The following DGKI variants were observed in gnomAD, a reference collection of about 807,000 sequenced individuals.
DGKI encodes the protein diacylglycerol kinase iota, also known as DAG kinase iota.
Under a neutral mutation model 147.5 loss-of-function variants are expected in DGKI, and 55 were observed. That is an observed-to-expected ratio of 0.37 (90% confidence interval 0.30 to 0.47). The LOEUF (loss-of-function observed/expected upper bound fraction) is 0.47. Among genes scored for constraint, DGKI ranks in the 20% least tolerant of loss-of-function variants. The pLI, the probability that DGKI is intolerant of heterozygous loss-of-function variation, is 1.00. For synonymous variants in DGKI, 469 were observed against 477.1 expected (o/e 0.98, Z 0.22); for missense variants, 1,007 against 1,323.8 (o/e 0.76, Z 3.71).
chr7:137,701,717 G>A (rs543667483), intron 1 of DGKI, among the ~76,000 whole-genome samples: 1 of 152,158 alleles, frequency 6.6e-6, no homozygotes, highest in South Asian at 2.1e-4. Flanking sequence ...TACCATATTT[G>A]TGTATTGAAA....
Position 137,555,117 on chromosome 7 carries a change from T to C in DGKI, c.1948-2549A>G, listed in dbSNP as rs374618808. Among the ~76,000 whole-genome samples, 5 of 151,848 alleles carry C rather than the reference T, an allele frequency of 3.3e-5. No homozygotes were observed. In the South Asian group the frequency reaches 8.3e-4, roughly 25 times the overall value. ...ATTTTAGTAGGGACAGGTTTCACCG[T>C]GTTGGCCAGGATGGTCTCAATCTTC... is the stretch of plus-strand genomic sequence containing the variant. On this transcript the variant is annotated intron_variant, in intron 19 of 32. Transcript: ENST00000614521.
chr7:137,838,206 T>C (rs948044237), intron 1 of DGKI, among the ~76,000 whole-genome samples: 1 of 152,006 alleles, frequency 6.6e-6, no homozygotes, highest in African/African-American at 2.4e-5. Context: ...GGTTTTACCA[T>C]GTTGGCCAGG....
intron 22 of DGKI, among the ~76,000 whole-genome samples, chr7:137,486,885 A>G (rs913985029): frequency 6.6e-6 from 1 of 152,178 alleles, no homozygotes; most frequent in Non-Finnish European, 1.5e-5. Context: ...ACACCCAAGA[A>G]AAGTGACTCT....
chr7:137,641,749 G>A (rs1332143284), intron 6 of DGKI, among the ~76,000 whole-genome samples: 1 of 152,146 alleles, frequency 6.6e-6, no homozygotes, highest in Non-Finnish European at 1.5e-5. Context: ...AAGAATTGAT[G>A]TTGGAAATTT....
Position 137,641,483 on chromosome 7 carries a change from T to C in DGKI, c.804+3989A>G, listed in dbSNP as rs377398331. Among the ~76,000 whole-genome samples, 4 of 152,228 alleles carry C rather than the reference T, an allele frequency of 2.6e-5. No individual in the cohort carries two copies. The East Asian group carries it at 7.7e-4, about 29-fold the overall frequency. Reference sequence around the variant, plus strand: ...AAATTTCACACCTGACCTCATGTGATAGCTCGTAGTAAAAACGTTGTTTCA... The same window carrying C: ...AAATTTCACACCTGACCTCATGTGACAGCTCGTAGTAAAAACGTTGTTTCA... On this transcript the variant is annotated intron_variant, in intron 6 of 32. Coordinates refer to ENST00000614521, the MANE Select transcript of DGKI (RefSeq NM_001321708.2).
intron 29 of DGKI, among the ~76,000 whole-genome samples, chr7:137,408,669 A>G (rs1340943639): frequency 2.0e-5 from 3 of 152,208 alleles, no homozygotes. Flanking sequence ...TGAGACCCAA[A>G]ATGATTCAGA....
chr7:137,825,373 C>T (rs180827151), intron 1 of DGKI, among the ~76,000 whole-genome samples: 10 of 152,138 alleles, frequency 6.6e-5, no homozygotes, highest in Middle Eastern at 3.4e-3. Flanking sequence ...CCATGGCAGA[C>T]GGCATACATG....
intron 28 of DGKI, among the ~76,000 whole-genome samples, chr7:137,427,094 T>C (rs1157674221): frequency 2.0e-5 from 3 of 151,766 alleles, no homozygotes; most frequent in African/African-American, 7.3e-5. Flanking sequence ...CAACAGAATA[T>C]ACATTTTTTT....
intron 20 of DGKI, among the ~76,000 whole-genome samples, chr7:137,536,895 T>TA (rs1817538526): frequency 6.6e-6 from 1 of 151,850 alleles, no homozygotes; most frequent in Admixed American, 6.6e-5. Context: ...GAAATTCATT[T>TA]AAAAAATTCA....
chr7:137,430,580 A>T (rs969509953), intron 28 of DGKI, among the ~76,000 whole-genome samples: 4 of 152,124 alleles, frequency 2.6e-5, no homozygotes, highest in South Asian at 4.1e-4. Flanking sequence ...AATAATTTTA[A>T]AAAAAGAAAA....
Position 137,397,366 on chromosome 7 carries a change from G to A in DGKI, c.2957+11C>T, listed in dbSNP as rs755466926. The A allele has an allele frequency of 6.2e-7, 1 of 1,612,362 alleles. No individual in the cohort carries two copies. Among genetic ancestry groups the A allele is most frequent in the Non-Finnish European group, 8.5e-7 (1 of 1,179,100 alleles). On this transcript the variant is annotated intron_variant, in intron 31 of 32. Coordinates refer to ENST00000614521, the MANE Select transcript of DGKI (RefSeq NM_001321708.2). ...AATAACCTAGACTATGTAATAAAAGGCAACACTCACGTTTCACTGTCTGCC... is the reference window on the plus strand; with the variant it reads ...AATAACCTAGACTATGTAATAAAAGACAACACTCACGTTTCACTGTCTGCC...
At chr7:137,460,350 G>C (rs1563031903) in intron 27 of DGKI, among the ~76,000 whole-genome samples, 1 of 152,236 alleles carries the variant, frequency 6.6e-6, no homozygotes, top group South Asian at 2.1e-4. Flanking sequence ...TATCGAAATA[G>C]AGAAACAATT....
intron 4 of DGKI, among the ~76,000 whole-genome samples, chr7:137,655,066 CTG>C (rs1364633939): frequency 3.3e-5 from 5 of 152,230 alleles, no homozygotes; most frequent in Non-Finnish European, 5.9e-5. Flanking sequence ...ATTTGAGAAA[CTG>C]AGATAAGAAA....
chr7:137,471,247 TA>T (rs1446339346), intron 23 of DGKI, among the ~76,000 whole-genome samples: 1 of 151,938 alleles, frequency 6.6e-6, no homozygotes, highest in Non-Finnish European at 1.5e-5. Context: ...GTCTGGCCCT[TA>T]ATAGGGATTT....
At chr7:137,575,142 G>A (rs1818926799) in intron 17 of DGKI, among the ~76,000 whole-genome samples, 1 of 152,178 alleles carries the variant, frequency 6.6e-6, no homozygotes, top group African/African-American at 2.4e-5. Flanking sequence ...CCTCTGAAAG[G>A]TTAAATGATT....
At chr7:137,816,290 C>G (rs1313842198) in intron 1 of DGKI, among the ~76,000 whole-genome samples, 1 of 152,172 alleles carries the variant, frequency 6.6e-6, no homozygotes, top group Non-Finnish European at 1.5e-5. Flanking sequence ...AACACTGCCC[C>G]TTGCTAGATG....
intron 1 of DGKI, among the ~76,000 whole-genome samples, chr7:137,737,204 CAAAAAA>C (rs763572711): frequency 1.5e-3 from 128 of 83,506 alleles, no homozygotes; most frequent in African/African-American, 4.7e-3. Context: ...CTCATTTCAC[CAAAAAA>C]AAAAAAAAAA....
intron 11 of DGKI, 121 bp from the exon 12 acceptor site, chr7:137,598,028 G>C: frequency 1.2e-6 from 1 of 801,046 alleles, no homozygotes; most frequent in Non-Finnish European, 2.1e-6. Flanking sequence ...GTGTAATCAT[G>C]AGGATGACAA....
At chr7:137,523,267 G>T (rs1315458299) in intron 20 of DGKI, among the ~76,000 whole-genome samples, 1 of 151,906 alleles carries the variant, frequency 6.6e-6, no homozygotes, top group Non-Finnish European at 1.5e-5. Context: ...AACTCTGGAA[G>T]AGGGAGTAAA....
Sources: gnomAD v4.1 joint callset for allele counts (sites outside exome capture counted in the v4.1 genomes callset) on GRCh38, gnomAD v4.1.1 for gene constraint, MANE v1.5 for transcripts, NCBI Gene and HGNC (gene_info 2026-07-23, HGNC 2026-07-21) for gene names.